ERCC6: variants seen among roughly 807,000 people sequenced by gnomAD.
ERCC6 encodes the protein ERCC excision repair 6, chromatin remodeling factor.
A neutral mutation model predicts 158.7 loss-of-function variants in ERCC6; 116 were observed. The observed-to-expected ratio is 0.73, with a 90% confidence interval of 0.63 to 0.85. ERCC6 has a LOEUF of 0.85. Ranked by LOEUF, ERCC6 falls within the 40% of genes least tolerant of loss-of-function variation. ERCC6 has a pLI of 0.00. For synonymous variants in ERCC6, 678 were observed against 659.3 expected (o/e 1.03, Z -0.43); for missense variants, 1,698 against 1,799.4 (o/e 0.94, Z 1.02).
At chr10:49,516,303 T>C in intron 5 of ERCC6, 1 of 1,614,154 alleles carries the variant, frequency 6.2e-7, no homozygotes, top group South Asian at 1.1e-5. Flanking sequence ...AACCATGAAT[T>C]CATCAAAGCT....
At chr10:49,479,720 C>T (rs1485010988) in intron 10 of ERCC6, among the ~76,000 whole-genome samples, 6 of 152,192 alleles carry the variant, frequency 3.9e-5, no homozygotes, top group Admixed American at 3.9e-4. Flanking sequence ...GAAGAGCGAG[C>T]ATGCTGGTTG....
Position 49,538,877 on chromosome 10 carries a change from C to A in ERCC6, c.-15+85G>T, listed in dbSNP as rs3750745. ...CTCAATCACCACGGCGAGGCCAAGG[C>A]GCGGGGCCGCGGCCCGCCCGAGAAG... On this transcript the variant is annotated intron_variant, in intron 1 of 20. Transcript: ENST00000355832. 30,510 of 59,398 alleles carry A rather than the reference C, an allele frequency of 0.51. 3,398 individuals carry two copies. The highest frequency in any genetic ancestry group is 0.64 in the East Asian group (2,388 of 3,716). The allele number at this position is 59,398 out of a possible 1,614,324, so 3.7% of individuals were successfully genotyped here. A position where few individuals can be genotyped will look rare whatever the true frequency, so the allele number is the denominator to read the frequency against.
intron 5 of ERCC6, among the ~76,000 whole-genome samples, chr10:49,523,017 G>A (rs907775586): frequency 5.9e-5 from 9 of 152,128 alleles, no homozygotes; most frequent in African/African-American, 1.4e-4. Context: ...GTGTCTGGAC[G>A]GGGGTTAATG....
At chr10:49,494,209 T>C (rs929941448) in intron 7 of ERCC6, among the ~76,000 whole-genome samples, 1 of 152,194 alleles carries the variant, frequency 6.6e-6, no homozygotes, top group South Asian at 2.1e-4. Context: ...GCACACCATT[T>C]AACCTCTGGG....
At chr10:49,492,117 G>A (rs369683176) in intron 8 of ERCC6, among the ~76,000 whole-genome samples, 3 of 152,130 alleles carry the variant, frequency 2.0e-5, no homozygotes, top group Non-Finnish European at 2.9e-5. Flanking sequence ...ATTCCATCTC[G>A]CCTTATTTGT....
chr10:49,464,012 G>T (rs151216994), intron 18 of ERCC6, among the ~76,000 whole-genome samples: 8 of 152,358 alleles, frequency 5.3e-5, no homozygotes, highest in African/African-American at 4.8e-5. Context: ...AAATGTGGAA[G>T]CAACTTTGGA....
intron 1 of ERCC6, among the ~76,000 whole-genome samples, chr10:49,537,508 T>TACACACACAC (rs36057162): frequency 1.2e-4 from 17 of 145,686 alleles, no homozygotes; most frequent in African/African-American, 2.5e-4. Context: ...TATATACACA[T>TACACACACAC]ACACACACAC....
At position 49,454,807 on chromosome 10, in the gene ERCC6, T is replaced by C. The variant is rs1046291467; in HGVS notation, c.*4008A>G. Among the ~76,000 whole-genome samples the C allele has an allele frequency of 5.9e-5, 9 of 152,158 alleles. No individual in the cohort carries two copies. The highest frequency in any genetic ancestry group is 1.9e-4 in the African/African-American group (8 of 41,434). ...ATAATCAATTATGATACCACAATGA[T>C]AAAAACAGTGGGTTACTAAGCAAAG... On this transcript the variant is annotated 3_prime_UTR_variant, in exon 21 of 21. Coordinates refer to ENST00000355832, the MANE Select transcript of ERCC6 (RefSeq NM_000124.4).
At chr10:49,444,427 ACT>A in the ERCC6 span, among the ~76,000 whole-genome samples, 1 of 152,012 alleles carries the variant, frequency 6.6e-6, no homozygotes, top group Non-Finnish European at 1.5e-5. Context: ...ACACCACAAA[ACT>A]CAACCAACTG....
At chr10:49,529,479 T>C (rs1469437425) in intron 3 of ERCC6, among the ~76,000 whole-genome samples, 3 of 152,192 alleles carry the variant, frequency 2.0e-5, no homozygotes, top group Non-Finnish European at 2.9e-5. Flanking sequence ...AGAAGGTCTC[T>C]GCACATCAAT....
intron 10 of ERCC6, among the ~76,000 whole-genome samples, chr10:49,478,719 A>G (rs1019743867): frequency 2.6e-5 from 4 of 152,202 alleles, no homozygotes; most frequent in African/African-American, 9.6e-5. Context: ...ACAACAAAAG[A>G]AAAACTGATA....
rs1366626540 is a variant in ERCC6 at position 49,483,402 on chromosome 10, C to T, written c.1936G>A (p.Asp646Asn). Residue 646 changes from aspartate to asparagine, a missense_variant, in exon 9 of 21, where the codon GAC becomes AAC. Coordinates refer to ENST00000355832, the MANE Select transcript of ERCC6 (RefSeq NM_000124.4). ...SRYDWHYVILDEGHKIRNPNA... is the reference protein window; with the variant it reads ...SRYDWHYVILNEGHKIRNPNA... ...GGATTTCGAATTTTGTGTCCTTCGT[C>T]CAAGATCACATAGTGCCAGTCATAC... 4 of 1,614,156 alleles carry T rather than the reference C, an allele frequency of 2.5e-6. No individual in the cohort carries two copies. The South Asian group carries it at 3.3e-5, about 13-fold the overall frequency.
intron 5 of ERCC6, among the ~76,000 whole-genome samples, chr10:49,522,872 T>A (rs931674680): frequency 9.9e-5 from 15 of 152,210 alleles, no homozygotes; most frequent in African/African-American, 3.4e-4. Flanking sequence ...AGCCCTCATC[T>A]GTGCATTACT....
chr10:49,520,734 C>T (rs1037848641), intron 5 of ERCC6, among the ~76,000 whole-genome samples: 3 of 152,184 alleles, frequency 2.0e-5, no homozygotes, highest in Non-Finnish European at 4.4e-5. Context: ...TACCACTCCC[C>T]AGAAATCAGA....
At chr10:49,472,881 T>G (rs1442453112) in intron 15 of ERCC6, 28 bp downstream of exon 15, 2 of 1,607,148 alleles carry the variant, frequency 1.2e-6, no homozygotes, top group East Asian at 2.3e-5. Flanking sequence ...TACTAATACA[T>G]TCTTTTAAAA....
the ERCC6 span, among the ~76,000 whole-genome samples, chr10:49,439,148 G>C: frequency 6.6e-6 from 1 of 152,218 alleles, no homozygotes; most frequent in African/African-American, 2.4e-5. Context: ...GACTCTGCCT[G>C]GGGGCCCTGA....
chr10:49,522,051 T>C (rs982587835), intron 5 of ERCC6, among the ~76,000 whole-genome samples: 1 of 152,180 alleles, frequency 6.6e-6, no homozygotes, highest in Non-Finnish European at 1.5e-5. Flanking sequence ...AGGTGTTAAG[T>C]TCAGCAAAGG....
chr10:49,512,605 T>C (rs1267561043), intron 5 of ERCC6, among the ~76,000 whole-genome samples: 1 of 152,250 alleles, frequency 6.6e-6, no homozygotes, highest in Non-Finnish European at 1.5e-5. Flanking sequence ...TTACTATGCC[T>C]ATGATACGTT....
intron 3 of ERCC6, 103 bp from the exon 4 acceptor site, chr10:49,528,628 T>A: frequency 1.4e-6 from 2 of 1,380,016 alleles, no homozygotes; most frequent in Non-Finnish European, 1.0e-6. Context: ...CAAAGTAAAA[T>A]AAAAATAATA....
Sources: allele counts gnomAD v4.1 joint callset (sites outside exome capture counted in the v4.1 genomes callset), GRCh38; gene constraint gnomAD v4.1.1; transcripts MANE v1.5; gene names NCBI Gene and HGNC (gene_info 2026-07-23, HGNC 2026-07-21).